Variants in ZNF609 observed in about 807,000 individuals in gnomAD.
The protein encoded by ZNF609 is zinc finger protein 609.
Under a neutral mutation model 109.5 loss-of-function variants are expected in ZNF609, and 11 were observed. The observed-to-expected ratio is 0.10, with a 90% confidence interval of 0.06 to 0.17. The LOEUF (loss-of-function observed/expected upper bound fraction) is 0.17. Ranked by LOEUF, ZNF609 falls within the 10% of genes least tolerant of loss-of-function variation. The pLI is 1.00. For synonymous variants in ZNF609, 646 were observed against 662.0 expected (o/e 0.98, Z 0.37); for missense variants, 1,559 against 1,772.4 (o/e 0.88, Z 2.16).
At chr15:64,664,613 T>C (rs1480006980) in intron 3 of ZNF609, among the ~76,000 whole-genome samples, 2 of 152,240 alleles carry the variant, frequency 1.3e-5, no homozygotes, top group Non-Finnish European at 2.9e-5. Flanking sequence ...TGTTATTTGC[T>C]GCTTTTCTTT....
At chr15:64,560,562 AT>A (rs1471768269) in intron 2 of ZNF609, among the ~76,000 whole-genome samples, 2 of 152,132 alleles carry the variant, frequency 1.3e-5, no homozygotes, top group African/African-American at 4.8e-5. Flanking sequence ...TCCCAACAAG[AT>A]TGTCTCAAAT....
At chr15:64,632,929 T>A (rs1896107395) in intron 3 of ZNF609, among the ~76,000 whole-genome samples, 1 of 150,996 alleles carries the variant, frequency 6.6e-6, no homozygotes, top group African/African-American at 2.4e-5. Flanking sequence ...CACACCACCA[T>A]GCCCAACTAA....
At chr15:64,589,414 C>A (rs768660420) in intron 2 of ZNF609, among the ~76,000 whole-genome samples, 1 of 152,166 alleles carries the variant, frequency 6.6e-6, no homozygotes, top group Non-Finnish European at 1.5e-5. Flanking sequence ...AGACTATGTT[C>A]CAGGCAGCAA....
At chr15:64,468,743 A>G (rs925320778) in intron 1 of ZNF609, among the ~76,000 whole-genome samples, 2 of 152,050 alleles carry the variant, frequency 1.3e-5, no homozygotes, top group African/African-American at 4.8e-5. Context: ...AATAGAGGGG[A>G]AAAAATCATA....
intron 5 of ZNF609, among the ~76,000 whole-genome samples, chr15:64,676,736 T>C (rs894480250): frequency 6.6e-6 from 1 of 151,370 alleles, no homozygotes; most frequent in Admixed American, 6.6e-5. Flanking sequence ...ACCCAGCCAA[T>C]TTTTATTTTA....
intron 2 of ZNF609, among the ~76,000 whole-genome samples, chr15:64,603,767 G>A (rs1313351271): frequency 1.3e-5 from 2 of 151,732 alleles, no homozygotes; most frequent in African/African-American, 4.8e-5. Flanking sequence ...TTGGGAGGCC[G>A]AGGCAGGTGG....
At chr15:64,600,540 G>A (rs1316856758) in intron 2 of ZNF609, among the ~76,000 whole-genome samples, 2 of 151,160 alleles carry the variant, frequency 1.3e-5, no homozygotes, top group African/African-American at 4.9e-5. Flanking sequence ...GAAGGCTGAG[G>A]CACAAGAATC....
intron 2 of ZNF609, among the ~76,000 whole-genome samples, chr15:64,544,079 G>A (rs1894316541): frequency 6.6e-6 from 1 of 152,160 alleles, no homozygotes; most frequent in Admixed American, 6.5e-5. Flanking sequence ...ATAGCTTACA[G>A]CTATAATTCC....
At chr15:64,479,173 C>G (rs1893213101) in intron 1 of ZNF609, among the ~76,000 whole-genome samples, 1 of 151,380 alleles carries the variant, frequency 6.6e-6, no homozygotes, top group African/African-American at 2.4e-5. Flanking sequence ...TCTTATGGAG[C>G]CTTTCCATAA....
intron 2 of ZNF609, among the ~76,000 whole-genome samples, chr15:64,557,229 G>A (rs1894604863): frequency 1.4e-5 from 2 of 145,310 alleles, no homozygotes; most frequent in Non-Finnish European, 3.0e-5. Context: ...CCAAAAAAAT[G>A]TGTAATTCTT....
At chr15:64,493,356 G>C (rs1893440401) in intron 1 of ZNF609, among the ~76,000 whole-genome samples, 1 of 152,024 alleles carries the variant, frequency 6.6e-6, no homozygotes, top group Non-Finnish European at 1.5e-5. Flanking sequence ...AGAGTTGTAT[G>C]GTCTGTGACA....
At chr15:64,554,269 T>C (rs1230131157) in intron 2 of ZNF609, among the ~76,000 whole-genome samples, 1 of 152,180 alleles carries the variant, frequency 6.6e-6, no homozygotes, top group Non-Finnish European at 1.5e-5. Context: ...GCGTGTTGAG[T>C]GTTTTATCAG....
chr15:64,603,599 TCTC>T (rs1783759715), intron 2 of ZNF609, among the ~76,000 whole-genome samples: 1 of 151,518 alleles, frequency 6.6e-6, no homozygotes. Flanking sequence ...TGACAAGTAA[TCTC>T]CCACCACTCC....
chr15:64,536,555 A>G (rs1398632070), intron 2 of ZNF609, among the ~76,000 whole-genome samples: 1 of 152,096 alleles, frequency 6.6e-6, no homozygotes, highest in African/African-American at 2.4e-5. Flanking sequence ...GAAGTGCACC[A>G]TCTAACCAGG....
chr15:64,529,722 C>T (rs541002289), intron 2 of ZNF609: 22 of 646,280 alleles, frequency 3.4e-5, no homozygotes, highest in African/African-American at 1.2e-4. Context: ...GGCTGTCTGT[C>T]GAACAGGAGG....
At chr15:64,584,502 T>C (rs1895163291) in intron 2 of ZNF609, among the ~76,000 whole-genome samples, 1 of 152,020 alleles carries the variant, frequency 6.6e-6, no homozygotes, top group Non-Finnish European at 1.5e-5. Context: ...AGTTTCGCCA[T>C]GTTAGCCAGG....
At chr15:64,528,884 T>C in intron 2 of ZNF609, 1 of 1,002,832 alleles carries the variant, frequency 1.0e-6, no homozygotes, top group Non-Finnish European at 1.6e-6. Context: ...CTCCGATGCC[T>C]ACTTCACCAC....
In ZNF609 at chr15:64,554,862, C is replaced by T. The variant is rs144062292; in HGVS notation, c.747+54696C>T. On this transcript the variant is annotated intron_variant, in intron 2 of 9. Transcript: ENST00000326648. ...CTGTAATCCCAGCACTTTGGGAGGC[C>T]GAGACGAGTGTATCACCTGAGGTCA... Among the ~76,000 whole-genome samples, 1,209 of 151,728 alleles carry T rather than the reference C, an allele frequency of 8.0e-3. 21 individuals are homozygous for T. The highest frequency in any genetic ancestry group is 0.028 in the African/African-American group (1,155 of 41,370).
At chr15:64,593,252 C>G in intron 2 of ZNF609, 1 of 1,519,416 alleles carries the variant, frequency 6.6e-7, no homozygotes, top group Non-Finnish European at 9.0e-7. Flanking sequence ...TCGTGAAGCC[C>G]GCAAGGACCG....
Sources: allele counts gnomAD v4.1 joint callset (sites outside exome capture counted in the v4.1 genomes callset), GRCh38; gene constraint gnomAD v4.1.1; transcripts MANE v1.5; gene names NCBI Gene and HGNC (gene_info 2026-07-23, HGNC 2026-07-21).